The following SPTAN1 variants were observed in gnomAD, a reference collection of about 807,000 sequenced individuals.
SPTAN1 encodes spectrin alpha, non-erythrocytic 1, also known as spectrin alpha chain, non-erythrocytic 1.
Under a neutral mutation model 331.3 loss-of-function variants are expected in SPTAN1, and 61 were observed. The observed-to-expected ratio is 0.18, with a 90% CI of 0.15 to 0.23. The LOEUF is 0.23. SPTAN1 is among the 10% of genes least tolerant of loss of function. The pLI is 1.00. For missense variants in SPTAN1, 2,043 were observed against 3,147.9 expected, an observed-to-expected ratio of 0.65 and a Z score of 8.40; for synonymous variants, 1,153 against 1,173.9, an observed-to-expected ratio of 0.98 and a Z score of 0.36.
intron 56 of SPTAN1, 103 bp from the exon 57 acceptor site, chr9:128,633,079 CAGTATGGACAGAAGTCCCGGATCTGCT>C: frequency 6.3e-7 from 1 of 1,590,464 alleles, no homozygotes; most frequent in Non-Finnish European, 8.6e-7. Flanking sequence ...AAATCAAACT[CAGTATGGACAGAAGTCCCGGATCTGCT>C]TGTAGAAGCA....
At chr9:128,622,910 G>T (rs567730112) in intron 45 of SPTAN1, among the ~76,000 whole-genome samples, 1 of 150,944 alleles carries the variant, frequency 6.6e-6, no homozygotes, top group African/African-American at 2.4e-5. Context: ...CTGCCACCAC[G>T]CCCAGCTAAT....
At chr9:128,588,663 A>G in intron 20 of SPTAN1, 146 bp from the exon 21 acceptor site, 1 of 1,230,826 alleles carries the variant, frequency 8.1e-7, no homozygotes. Flanking sequence ...CTTGGATCAG[A>G]TTTTATTGGT....
chr9:128,626,359 G>T, intron 48 of SPTAN1, 32 bp from the exon 49 acceptor site: 1 of 1,611,394 alleles, frequency 6.2e-7, no homozygotes, highest in South Asian at 1.1e-5. Flanking sequence ...CAGCCCTGGC[G>T]ACTCCGCCAA....
chr9:128,623,420 CTA>C (rs1307671516), intron 45 of SPTAN1, among the ~76,000 whole-genome samples: 1 of 151,452 alleles, frequency 6.6e-6, no homozygotes, highest in Non-Finnish European at 1.5e-5. Context: ...AAAAATAATA[CTA>C]ATGAATATAT....
intron 3 of SPTAN1, among the ~76,000 whole-genome samples, chr9:128,570,320 ATATATATATATTTTTTTTT>A (rs1409019453): frequency 2.9e-5 from 1 of 33,966 alleles, no homozygotes; most frequent in Non-Finnish European, 5.2e-5. Context: ...ATATATATAT[ATATATATATATTTTTTTTT>A]TTTTTTTTTT....
chr9:128,593,359 T>G (rs1853790323), intron 23 of SPTAN1: 1 of 419,984 alleles, frequency 2.4e-6, no homozygotes, highest in Admixed American at 3.6e-5. Flanking sequence ...ATAGTTTTCC[T>G]TAGTAGGAAG....
chr9:128,563,477 T>G (rs779534151), intron 1 of SPTAN1, among the ~76,000 whole-genome samples: 11 of 152,156 alleles, frequency 7.2e-5, no homozygotes, highest in Non-Finnish European at 1.5e-4. Flanking sequence ...AATCCAAGAT[T>G]GGTAATTCAG....
Position 128,633,529 on chromosome 9 carries a change from CTG to C in SPTAN1, c.*199_*200del, listed in dbSNP as rs1470946483. ...ATCATGTCACTGTGGGGACCCAGATCTGTGTCTTGAAGCAGCTGCCCTCATTC... is the reference window on the plus strand; with the variant it reads ...ATCATGTCACTGTGGGGACCCAGATCTGTCTTGAAGCAGCTGCCCTCATTC... On this transcript the variant is annotated 3_prime_UTR_variant, in exon 57 of 57. Coordinates refer to ENST00000372739, the MANE Select transcript of SPTAN1 (RefSeq NM_001130438.3). The C allele has an allele frequency of 7.9e-6, 9 of 1,133,786 alleles. No homozygotes were observed. The highest frequency in any genetic ancestry group is 1.9e-5 in the Admixed American group (1 of 52,894). The allele number at this position is 1,133,786 out of a possible 1,614,324, so 70.2% of individuals were successfully genotyped here. A position where few individuals can be genotyped will look rare whatever the true frequency, so the allele number is the denominator to read the frequency against.
intron 1 of SPTAN1, among the ~76,000 whole-genome samples, chr9:128,561,809 G>T (rs993344172): frequency 1.3e-4 from 19 of 151,594 alleles, no homozygotes; most frequent in African/African-American, 4.6e-4. Flanking sequence ...TAAATTACCT[G>T]TCTCCCAACT....
chr9:128,593,375 CAT>C (rs1450410021), intron 23 of SPTAN1: 6 of 374,896 alleles, frequency 1.6e-5, no homozygotes, highest in African/African-American at 4.1e-5. Flanking sequence ...GGAAGGAAAT[CAT>C]ATGCTTCTCT....
intron 24 of SPTAN1, 56 bp downstream of exon 24, chr9:128,594,429 ATTTTTTTTT>A: frequency 5.3e-6 from 4 of 759,414 alleles, no homozygotes; most frequent in East Asian, 3.1e-5. Context: ...GAGTCTCTTG[ATTTTTTTTT>A]TTTTTTTTTT....
At chr9:128,592,910 A>G in intron 22 of SPTAN1, 73 bp from the exon 23 acceptor site, 1 of 1,377,956 alleles carries the variant, frequency 7.3e-7, no homozygotes, top group Non-Finnish European at 1.0e-6. Context: ...CACCAGTCGG[A>G]GCTGCTGCCT....
chr9:128,627,299 C>T lies in SPTAN1; in HGVS notation c.6577-87C>T. ...TTTGGGGAGGTTCCTTGTGGGGAGG[C>T]CACCACCACCCTGAGCCCATCTGTG... On this transcript the variant is annotated intron_variant, in intron 49 of 56. Coordinates refer to ENST00000372739, the MANE Select transcript of SPTAN1 (RefSeq NM_001130438.3). The surrounding 1 kb of genome is among the most constrained non-coding windows in gnomAD (Gnocchi z 4.9). The T allele has an allele frequency of 3.2e-6, 4 of 1,235,740 alleles. No individual in the cohort carries two copies. Among genetic ancestry groups the T allele is most frequent in the Non-Finnish European group, 4.6e-6 (4 of 869,050 alleles). 76.5% of individuals were successfully genotyped at this position (1,235,740 alleles called of 1,614,324 possible). A position where few individuals can be genotyped will look rare whatever the true frequency, so the allele number is the denominator to read the frequency against.
chr9:128,593,198 AG>A (rs1365584332), intron 23 of SPTAN1, 156 bp downstream of exon 23: 8 of 789,472 alleles, frequency 1.0e-5, no homozygotes, highest in Non-Finnish European at 1.7e-5. Flanking sequence ...ACAAGGGAAG[AG>A]GTCGCGGTGC....
rs1409357698 is a variant in SPTAN1 at position 128,603,575 on chromosome 9, C to T, written c.3612C>T (p.Thr1204=). ...SARLMVHTVA[T]FNSIKELNER... is the part of the protein sequence containing the mutation. ...GTCTGATGGTTCACACCGTGGCCAC[C>T]TTTAATTCCATCAAGGTAAGAAGCA... Residue 1204 remains threonine (T), a synonymous_variant, in exon 28 of 57, where the codon ACC becomes ACT. Coordinates refer to ENST00000372739, the MANE Select transcript of SPTAN1 (RefSeq NM_001130438.3). The T allele has an allele frequency of 6.2e-7, 1 of 1,614,114 alleles. No individual in the cohort carries two copies. Among genetic ancestry groups the T allele is most frequent in the African/African-American group, 1.3e-5 (1 of 74,944 alleles).
At chr9:128,611,955 G>A in intron 38 of SPTAN1, 110 bp downstream of exon 38, 2 of 1,603,266 alleles carry the variant, frequency 1.2e-6, no homozygotes, top group East Asian at 2.2e-5. Context: ...GATTATAGAA[G>A]ACTTTAGGCT....
chr9:128,612,026 CTT>C (rs1444491267), intron 38 of SPTAN1, 81 bp from the exon 39 acceptor site: 10 of 1,612,114 alleles, frequency 6.2e-6, no homozygotes, highest in Non-Finnish European at 8.5e-6. Flanking sequence ...ATTCTCTTCT[CTT>C]AGAAGTTCTC....
chr9:128,619,335 A>G (rs1857566840), intron 44 of SPTAN1, among the ~76,000 whole-genome samples: 1 of 152,174 alleles, frequency 6.6e-6, no homozygotes, highest in African/African-American at 2.4e-5. Flanking sequence ...AGTACCACAG[A>G]CAGAGTGGCA....
intron 1 of SPTAN1, among the ~76,000 whole-genome samples, chr9:128,560,758 G>A (rs757450107): frequency 2.0e-5 from 3 of 152,014 alleles, no homozygotes; most frequent in East Asian, 1.9e-4. Context: ...TGTGGCTCAC[G>A]TCTGTAATCC....
Sources: allele counts gnomAD v4.1 joint callset (sites outside exome capture counted in the v4.1 genomes callset), GRCh38; gene constraint gnomAD v4.1.1; non-coding constraint Gnocchi (gnomAD v3.1); transcripts MANE v1.5; gene names NCBI Gene and HGNC (gene_info 2026-07-23, HGNC 2026-07-21).